TCP10L: variants seen among roughly 807,000 people sequenced by gnomAD.
The protein encoded by TCP10L is T-complex protein 10A homolog 1.
In TCP10L, 11 loss-of-function variants were observed where a neutral mutation model predicts 19.2. The observed-to-expected ratio is 0.57, with a 90% CI of 0.36 to 0.95. TCP10L has a LOEUF of 0.95. Among genes scored for constraint, TCP10L ranks in the 40% least tolerant of loss-of-function variants. TCP10L has a pLI of 0.01. For missense variants in TCP10L, 247 were observed against 263.9 expected (o/e 0.94, Z 0.44); for synonymous variants, 96 against 97.2 (o/e 0.99, Z 0.07).
Position 32,582,287 on chromosome 21 carries a change from T to G in TCP10L, c.273A>C (p.Glu91Asp). Residue 91 changes from glutamate (E) to aspartate (D), a missense_variant, in exon 3 of 5, where the codon GAA (glutamate) becomes GAC (aspartate). Coordinates refer to ENST00000300258, the MANE Select transcript of TCP10L (RefSeq NM_144659.7). This position sits in a 1 kb window ranked among gnomAD's most constrained non-coding sequence, Gnocchi z 4.2. ...ALREQNMELREKLRALQLQRW... is the reference protein window; with the variant it reads ...ALREQNMELRDKLRALQLQRW... ...GCTGCAGCTGCAGAGCTCTCAGCTTTTCTCGGAGCTCCATGTTCTGCTCCC... is the reference window on the plus strand; with the variant it reads ...GCTGCAGCTGCAGAGCTCTCAGCTTGTCTCGGAGCTCCATGTTCTGCTCCC... 6.2e-7 allele frequency: 1 copy of G among 1,614,216 alleles called. No homozygotes were observed. The highest frequency in any genetic ancestry group is 8.5e-7 in the Non-Finnish European group (1 of 1,180,044).
intron 2 of TCP10L, 44 bp downstream of exon 2, chr21:32,584,117 C>G (rs2038530313): frequency 6.4e-7 from 1 of 1,569,414 alleles, no homozygotes; most frequent in Non-Finnish European, 8.7e-7. Context: ...GAATCAGGGT[C>G]CCGCCTGGTG....
chr21:32,583,588 CAAAAAAAAAAAAA>C (rs771224269), intron 2 of TCP10L, among the ~76,000 whole-genome samples: 6 of 82,952 alleles, frequency 7.2e-5, no homozygotes, highest in African/African-American at 2.1e-4. Flanking sequence ...GACTCCGTCT[CAAAAAAAAAAAAA>C]AAAAAAAAAA....
chr21:32,582,212 T>C lies in TCP10L; in HGVS notation c.348A>G (p.Glu116=), dbSNP rs199545784. ...GCGCTTTTGGTACCAGAGTGTGCGATTCTTGCCCCGCGTGTGGGGACGCTG... is the reference window on the plus strand; with the variant it reads ...GCGCTTTTGGTACCAGAGTGTGCGACTCTTGCCCCGCGTGTGGGGACGCTG... ...KSAASPHAGQ[E]SHTLALEPAF... is the part of the protein sequence containing the mutation. The change falls in exon 3 of 5, where the codon GAA becomes GAG. Residue 116 remains glutamate, a synonymous_variant. Coordinates refer to ENST00000300258, the MANE Select transcript of TCP10L (RefSeq NM_144659.7). The surrounding 1 kb of genome is among the most constrained non-coding windows in gnomAD (Gnocchi z 4.2). 277 of 1,614,020 alleles carry C rather than the reference T, an allele frequency of 1.7e-4. No homozygotes were observed. Among genetic ancestry groups the C allele is most frequent in the Non-Finnish European group, 2.3e-4 (268 of 1,180,022 alleles).
At chr21:32,585,327 G>T in intron 1 of TCP10L, 94 bp downstream of exon 1, 1 of 276,086 alleles carries the variant, frequency 3.6e-6, no homozygotes, top group South Asian at 3.4e-5. Flanking sequence ...TCCTCTGAGG[G>T]GACACCCCAG....
rs750762805 is a variant in TCP10L at position 32,582,275 on chromosome 21, A to G, written c.285T>C (p.Ala95=). Residue 95 remains alanine, a synonymous_variant, in exon 3 of 5, where the codon GCT becomes GCC. Coordinates refer to ENST00000300258, the MANE Select transcript of TCP10L (RefSeq NM_144659.7). The surrounding 1 kb of genome is among the most constrained non-coding windows in gnomAD (Gnocchi z 4.2). ...QNMELREKLR[A]LQLQRWKARK... ...TGGCTTTCCACCGCTGCAGCTGCAG[A>G]GCTCTCAGCTTTTCTCGGAGCTCCA... 1.9e-6 allele frequency: 3 copies of G among 1,614,016 alleles called. No individual in the cohort carries two copies. Among genetic ancestry groups the G allele is most frequent in the South Asian group, 1.1e-5 (1 of 91,072 alleles).
chr21:32,576,879 T>C lies in TCP10L; in HGVS notation c.543A>G (p.Pro181=). 6.2e-7 allele frequency: 1 copy of C among 1,614,144 alleles called. No individual in the cohort carries two copies. The highest frequency in any genetic ancestry group is 8.5e-7 in the Non-Finnish European group (1 of 1,179,996). The change falls in exon 5 of 5, where the codon CCA becomes CCG. Residue 181 remains proline, a synonymous_variant. Coordinates refer to ENST00000300258, the MANE Select transcript of TCP10L (RefSeq NM_144659.7). The stretch of plus-strand genomic sequence containing the variant: ...GATTTTTATCTCTATTTTCCTGTGG[T>C]GGTGTTTTCCACGAGCTAATTCTTT... ...KIERISSWKT[P]PQENRDKNLS... is the part of the protein sequence containing the mutation.
chr21:32,582,549 C>T lies in TCP10L; in HGVS notation c.145-134G>A, dbSNP rs1363788576. 1 of 731,350 alleles carries T rather than the reference C, an allele frequency of 1.4e-6. No homozygotes were observed. Among genetic ancestry groups the T allele is most frequent in the East Asian group, 2.7e-5 (1 of 36,610 alleles). 45.3% of individuals were successfully genotyped at this position (731,350 alleles called of 1,614,324 possible). ...AATAAAAGACACCCGATGAGATAAA[C>T]AGGACTACCACAGCCTTTTTCTTTC... On this transcript the variant is annotated intron_variant, in intron 2 of 4. Coordinates refer to ENST00000300258, the MANE Select transcript of TCP10L (RefSeq NM_144659.7). This position sits in a 1 kb window ranked among gnomAD's most constrained non-coding sequence, Gnocchi z 4.2.
chr21:32,580,545 T>C lies in TCP10L; in HGVS notation c.360+1655A>G, dbSNP rs565594240. Among the ~76,000 whole-genome samples, 7 of 151,598 alleles carry C rather than the reference T, an allele frequency of 4.6e-5. No homozygotes were observed. The South Asian group carries it at 1.2e-3, about 27-fold the overall frequency. Reference sequence around the variant, plus strand: ...TAATCACTGTGCTGTATCGGAAATATTCTAAGTCCTGGAAGTACCGATTTA... The same window carrying C: ...TAATCACTGTGCTGTATCGGAAATACTCTAAGTCCTGGAAGTACCGATTTA... On this transcript the variant is annotated intron_variant, in intron 3 of 4. Transcript: ENST00000300258.
chr21:32,580,254 C>T (rs147903442), intron 3 of TCP10L, among the ~76,000 whole-genome samples: 2,528 of 151,854 alleles, frequency 0.017, 70 homozygotes, highest in African/African-American at 0.058. Context: ...TATAGGCACC[C>T]GCCACCACAC....
chr21:32,580,289 G>A (rs1402138039), intron 3 of TCP10L, among the ~76,000 whole-genome samples: 3 of 151,784 alleles, frequency 2.0e-5, no homozygotes, highest in African/African-American at 7.2e-5. Context: ...TGTATTTTTA[G>A]TAGAGACGGG....
chr21:32,584,245 C>T lies in TCP10L; in HGVS notation c.60G>A (p.Pro20=), dbSNP rs142891260. ...CCATGACAGCCCCAGCTCCTGGGCACGGGTCCTCTGGGTGGGTGCCCTCTT... is the reference window on the plus strand; with the variant it reads ...CCATGACAGCCCCAGCTCCTGGGCATGGGTCCTCTGGGTGGGTGCCCTCTT... ...DPKEGTHPED[P]CPGAGAVMEK... The change falls in exon 2 of 5, where the codon CCG becomes CCA. Residue 20 remains proline, a synonymous_variant. Transcript: ENST00000300258. The T allele has an allele frequency of 2.3e-3, 3,679 of 1,614,098 alleles. 65 individuals carry two copies. The South Asian group carries it at 0.024, about 11-fold the overall frequency.
chr21:32,576,761 C>G lies in TCP10L; in HGVS notation c.*13G>C, dbSNP rs143047934. 864 of 1,611,078 alleles carry G rather than the reference C, an allele frequency of 5.4e-4. 14 individuals are homozygous for G. In the East Asian group the frequency reaches 0.019, roughly 35 times the overall value. ...GTAGAGTGACACAGGTGTCCGAGGC[C>G]ACCTTTCCATCTTCAGACACCCCCC... On this transcript the variant is annotated 3_prime_UTR_variant, in exon 5 of 5. Coordinates refer to ENST00000300258, the MANE Select transcript of TCP10L (RefSeq NM_144659.7).
Position 32,578,613 on chromosome 21 carries a change from G to A in TCP10L, c.498+81C>T, listed in dbSNP as rs2038459922. The stretch of plus-strand genomic sequence containing the variant: ...TGCTCACCCAGGGAGGTGAAATTGT[G>A]TGGTGAGGAGCTGATGGGATGTGTG... On this transcript the variant is annotated intron_variant, in intron 4 of 4. Transcript: ENST00000300258. This position sits in a 1 kb window ranked among gnomAD's most constrained non-coding sequence, Gnocchi z 4.2. 6.5e-7 allele frequency: 1 copy of A among 1,542,660 alleles called. No individual in the cohort carries two copies. Among genetic ancestry groups the A allele is most frequent in the Non-Finnish European group, 8.7e-7 (1 of 1,145,948 alleles).
chr21:32,581,223 G>A lies in TCP10L; in HGVS notation c.360+977C>T, dbSNP rs184669481. 2.3e-4 allele frequency among the ~76,000 whole-genome samples: 35 copies of A among 152,308 alleles called. No homozygotes were observed. The South Asian group carries it at 5.4e-3, about 23-fold the overall frequency. On this transcript the variant is annotated intron_variant, in intron 3 of 4. Transcript: ENST00000300258. Reference sequence around the variant, plus strand: ...ACGGAGTTTGCTTGGGGTGGTCAGGGGAGAGCCCGGTCACTGGGCAGCCCA... The same window carrying A: ...ACGGAGTTTGCTTGGGGTGGTCAGGAGAGAGCCCGGTCACTGGGCAGCCCA...
rs562119202 is a variant in TCP10L, at chr21:32,573,925, C to T, written c.*2849G>A. On this transcript the variant is annotated 3_prime_UTR_variant, in exon 5 of 5. Coordinates refer to ENST00000300258, the MANE Select transcript of TCP10L (RefSeq NM_144659.7). ...GATCATTAGCCCTGAGGCTTCCAGGCAAACCCATTAGCTGGATCCCCAAAC... is the reference window on the plus strand; with the variant it reads ...GATCATTAGCCCTGAGGCTTCCAGGTAAACCCATTAGCTGGATCCCCAAAC... 6.6e-6 allele frequency among the ~76,000 whole-genome samples: 1 copy of T among 152,212 alleles called. No individual in the cohort carries two copies. Among genetic ancestry groups the T allele is most frequent in the South Asian group, 2.1e-4 (1 of 4,806 alleles).
intron 3 of TCP10L, among the ~76,000 whole-genome samples, chr21:32,581,719 G>C (rs1234608038): frequency 1.3e-5 from 2 of 152,198 alleles, no homozygotes; most frequent in Admixed American, 1.3e-4. Context: ...AGCTGTCCTA[G>C]AGGATGAACA....
chr21:32,579,413 A>G (rs1216864542), intron 3 of TCP10L, among the ~76,000 whole-genome samples: 2 of 152,174 alleles, frequency 1.3e-5, no homozygotes, highest in Admixed American at 6.5e-5. Context: ...AGAGTGGCTC[A>G]CCCACACAGC....
Position 32,582,537 on chromosome 21 carries a change from C to T in TCP10L, c.145-122G>A, listed in dbSNP as rs956528102. 24 of 830,620 alleles carry T rather than the reference C, an allele frequency of 2.9e-5. No homozygotes were observed. The highest frequency in any genetic ancestry group is 1.8e-4 in the South Asian group (10 of 55,180). 51.5% of individuals were successfully genotyped at this position (830,620 alleles called of 1,614,324 possible). ...CACTATTTCTGGAATAAAAGACACCCGATGAGATAAACAGGACTACCACAG... is the reference window on the plus strand; with the variant it reads ...CACTATTTCTGGAATAAAAGACACCTGATGAGATAAACAGGACTACCACAG... On this transcript the variant is annotated intron_variant, in intron 2 of 4. Transcript: ENST00000300258. This position sits in a 1 kb window ranked among gnomAD's most constrained non-coding sequence, Gnocchi z 4.2.
intron 3 of TCP10L, among the ~76,000 whole-genome samples, chr21:32,580,089 T>G (rs1340418617): frequency 6.6e-6 from 1 of 152,090 alleles, no homozygotes; most frequent in Admixed American, 6.6e-5. Context: ...GAGGAACTTG[T>G]GGCAGTTTTT....
Sources: gnomAD v4.1 joint callset for allele counts (sites outside exome capture counted in the v4.1 genomes callset) on GRCh38, gnomAD v4.1.1 for gene constraint, Gnocchi (gnomAD v3.1) non-coding constraint, MANE v1.5 for transcripts, NCBI Gene and HGNC (gene_info 2026-07-23, HGNC 2026-07-21) for gene names.